Variants in TNS3 observed in about 807,000 individuals in gnomAD.
TNS3 encodes the protein tensin 3.
TNS3 carries 45 observed loss-of-function variants against 140.9 expected under a neutral mutation model. The ratio of observed to expected loss-of-function variants is 0.32; its 90% confidence interval spans 0.25 to 0.41. The LOEUF (loss-of-function observed/expected upper bound fraction) is 0.41, where lower values mean the gene tolerates loss of function less well. TNS3 is among the 10% of genes least tolerant of loss of function. The pLI is 1.00. For missense variants in TNS3, 1,716 were observed against 1,906.7 expected, an observed-to-expected ratio of 0.90 and a Z score of 1.86; for synonymous variants, 815 against 788.4, an observed-to-expected ratio of 1.03 and a Z score of -0.56.
chr7:47,571,585 G>A (rs1274115013), intron 1 of TNS3, among the ~76,000 whole-genome samples: 1 of 152,218 alleles, frequency 6.6e-6, no homozygotes, highest in Non-Finnish European at 1.5e-5. Context: ...ACCTCCAGAG[G>A]GTCAAGGGGA....
chr7:47,419,579 C>T (rs1250884756), intron 10 of TNS3, among the ~76,000 whole-genome samples: 1 of 152,166 alleles, frequency 6.6e-6, no homozygotes, highest in African/African-American at 2.4e-5. Context: ...AATGCAAGAC[C>T]ACCACATTGG....
At chr7:47,351,964 CCA>C (rs1789700594) in intron 17 of TNS3, among the ~76,000 whole-genome samples, 1 of 152,100 alleles carries the variant, frequency 6.6e-6, no homozygotes, top group Non-Finnish European at 1.5e-5. Flanking sequence ...TTTTTCACAC[CCA>C]CACACTTGCA....
At chr7:47,359,777 G>C (rs1790210798) in intron 17 of TNS3, among the ~76,000 whole-genome samples, 1 of 152,178 alleles carries the variant, frequency 6.6e-6, no homozygotes, top group Non-Finnish European at 1.5e-5. Context: ...TTTCATCTCA[G>C]AAGAGTAAAG....
chr7:47,482,603 A>G (rs1797463308), intron 3 of TNS3, among the ~76,000 whole-genome samples: 1 of 152,220 alleles, frequency 6.6e-6, no homozygotes, highest in South Asian at 2.1e-4. Context: ...CCCCTCAAGC[A>G]TGGTATCTAC....
intron 15 of TNS3, among the ~76,000 whole-genome samples, chr7:47,397,285 C>T (rs1237589354): frequency 6.6e-6 from 1 of 152,188 alleles, no homozygotes; most frequent in Non-Finnish European, 1.5e-5. Context: ...ATCCACACTC[C>T]TCCCTTCAAG....
chr7:47,365,160 T>C (rs2151121394), intron 17 of TNS3, among the ~76,000 whole-genome samples: 1 of 152,272 alleles, frequency 6.6e-6, no homozygotes, highest in East Asian at 1.9e-4. Context: ...CAAAATGTGT[T>C]ATTGGGCTGG....
chr7:47,376,595 C>T lies in TNS3; in HGVS notation c.1025-6974G>A, dbSNP rs73326542. On this transcript the variant is annotated intron_variant, in intron 16 of 30. Coordinates refer to ENST00000311160, the MANE Select transcript of TNS3 (RefSeq NM_022748.12). Reference sequence around the variant, plus strand: ...CTGAGAGAGCCTGCACTAACATTAACGATTTTTTTTACAAGCCTACTGAAT... The same window carrying T: ...CTGAGAGAGCCTGCACTAACATTAATGATTTTTTTTACAAGCCTACTGAAT... 5.3e-3 allele frequency among the ~76,000 whole-genome samples: 809 copies of T among 152,222 alleles called. 4 individuals are homozygous for T. The highest frequency in any genetic ancestry group is 0.019 in the African/African-American group (788 of 41,534).
In TNS3 at chr7:47,280,244, A is replaced by G. The variant is rs1254316988; in HGVS notation, c.4166+42T>C. On this transcript the variant is annotated intron_variant, in intron 29 of 30. Coordinates refer to ENST00000311160, the MANE Select transcript of TNS3 (RefSeq NM_022748.12). ...TAATTTTTTTAAACTAAAGGATAGA[A>G]TTAAGTACACTCCTTGCTCAATAAA... The G allele has an allele frequency of 3.1e-6, 5 of 1,613,954 alleles. No individual in the cohort carries two copies. In the Admixed American group the frequency reaches 5.0e-5, roughly 16 times the overall value.
intron 1 of TNS3, among the ~76,000 whole-genome samples, chr7:47,568,320 A>G (rs4720598): frequency 0.58 from 88,314 of 151,832 alleles, 26,299 homozygotes; most frequent in Middle Eastern, 0.65. Flanking sequence ...TGGGGGCTCC[A>G]GAGCAGGCAG....
intron 1 of TNS3, among the ~76,000 whole-genome samples, chr7:47,565,601 G>A (rs1395675610): frequency 6.6e-6 from 1 of 151,608 alleles, no homozygotes; most frequent in Non-Finnish European, 1.5e-5. Context: ...TCCTGACCTC[G>A]GGTGATCAGC....
At chr7:47,481,198 T>A (rs1418696911) in intron 3 of TNS3, 57 bp from the exon 4 acceptor site, 5 of 1,256,324 alleles carry the variant, frequency 4.0e-6, no homozygotes, top group Non-Finnish European at 5.2e-6. Flanking sequence ...AAAATTAGCA[T>A]AATAATCAAG....
At chr7:47,579,834 C>T in intron 1 of TNS3, 1 of 985,400 alleles carries the variant, frequency 1.0e-6, no homozygotes, top group African/African-American at 1.7e-5. Context: ...AGCCCTTCCA[C>T]TCACTGTTCT....
chr7:47,435,250 A>T (rs750438619), intron 8 of TNS3, 32 bp downstream of exon 8: 3 of 1,612,148 alleles, frequency 1.9e-6, no homozygotes, highest in Non-Finnish European at 1.7e-6. Flanking sequence ...AAGCCCAGCC[A>T]GACCCCCAAA....
intron 16 of TNS3, among the ~76,000 whole-genome samples, chr7:47,378,048 C>T (rs1584516738): frequency 6.6e-6 from 1 of 152,278 alleles, no homozygotes; most frequent in East Asian, 1.9e-4. Context: ...CCTTTCTGTG[C>T]CTCACTGTCC....
intron 3 of TNS3, chr7:47,481,719 C>T (rs948697805): frequency 1.0e-6 from 1 of 985,230 alleles, no homozygotes; most frequent in African/African-American, 1.7e-5. Context: ...TCTCTGAAGA[C>T]CGAGAGCTCC....
chr7:47,333,153 T>C (rs926224642), intron 20 of TNS3, among the ~76,000 whole-genome samples: 7 of 152,076 alleles, frequency 4.6e-5, no homozygotes, highest in Admixed American at 2.6e-4. Context: ...CATGTTCTCA[T>C]CTCAAAAGAC....
rs115590547 is a variant in TNS3 at position 47,444,845 on chromosome 7, G to C, written c.-75-2790C>G. ...ATAGTTATATAATTTCTAAGGTCAAGGCCAATGGAGGAAACTGTAATCTGT... is the reference window on the plus strand; with the variant it reads ...ATAGTTATATAATTTCTAAGGTCAACGCCAATGGAGGAAACTGTAATCTGT... On this transcript the variant is annotated intron_variant, in intron 4 of 30. Coordinates refer to ENST00000311160, the MANE Select transcript of TNS3 (RefSeq NM_022748.12). Among the ~76,000 whole-genome samples, 397 of 152,260 alleles carry C rather than the reference G, an allele frequency of 2.6e-3. 2 individuals carry two copies. The highest frequency in any genetic ancestry group is 8.9e-3 in the African/African-American group (371 of 41,540).
intron 20 of TNS3, among the ~76,000 whole-genome samples, chr7:47,314,734 G>T (rs1014145225): frequency 6.6e-6 from 1 of 152,194 alleles, no homozygotes; most frequent in Admixed American, 6.5e-5. Context: ...TCTGTACCTA[G>T]AAGAGCCCAG....
intron 1 of TNS3, among the ~76,000 whole-genome samples, chr7:47,534,863 A>G (rs1053389579): frequency 6.6e-6 from 1 of 152,164 alleles, no homozygotes; most frequent in Non-Finnish European, 1.5e-5. Flanking sequence ...CCACTAGTCT[A>G]CAAACCGTGA....
Sources: allele counts gnomAD v4.1 joint callset (sites outside exome capture counted in the v4.1 genomes callset), GRCh38; gene constraint gnomAD v4.1.1; transcripts MANE v1.5; gene names NCBI Gene and HGNC (gene_info 2026-07-23, HGNC 2026-07-21).